ARNT2: variants seen among roughly 807,000 people sequenced by gnomAD.
ARNT2 encodes aryl hydrocarbon receptor nuclear translocator 2.
ARNT2 carries 36 observed loss-of-function variants against 91.7 expected under a neutral mutation model. The observed-to-expected ratio is 0.39, with a 90% CI of 0.30 to 0.52. The LOEUF is 0.52. ARNT2 is among the 20% of genes least tolerant of loss of function. The pLI is 0.72. For synonymous variants in ARNT2, 365 were observed against 347.1 expected, an observed-to-expected ratio of 1.05 and a Z score of -0.57; for missense variants, 775 against 939.3, an observed-to-expected ratio of 0.83 and a Z score of 2.29.
chr15:80,446,253 AGAG>A (rs1208568404), intron 1 of ARNT2, among the ~76,000 whole-genome samples: 1 of 152,194 alleles, frequency 6.6e-6, no homozygotes, highest in East Asian at 1.9e-4. Flanking sequence ...CGAAAGTAAC[AGAG>A]GAGAAGGAAC....
At position 80,528,281 on chromosome 15, in the gene ARNT2, C is replaced by G. The variant is rs976682874; in HGVS notation, c.877+13876C>G. ...AGAGTCTGAATGCTTAAGCATTACC[C>G]TTGCTGCCTCCTTCACTCTGCCAAT... is the stretch of plus-strand genomic sequence containing the variant. On this transcript the variant is annotated intron_variant, in intron 8 of 18. Transcript: ENST00000303329. Among the ~76,000 whole-genome samples the G allele has an allele frequency of 9.2e-5, 14 of 152,282 alleles. 2 individuals carry two copies. Among genetic ancestry groups the G allele is most frequent in the Admixed American group, 2.0e-4 (3 of 15,302 alleles).
intron 9 of ARNT2, among the ~76,000 whole-genome samples, chr15:80,552,287 A>T (rs908144788): frequency 3.3e-5 from 5 of 152,216 alleles, no homozygotes; most frequent in African/African-American, 1.2e-4. Flanking sequence ...AGTAAAGGGA[A>T]GGTGGGGGAA....
Position 80,404,551 on chromosome 15 carries a change from G to A in ARNT2, c.31+5G>A. On this transcript the variant is annotated splice_donor_5th_base_variant and intron_variant, in intron 1 of 18. Transcript: ENST00000303329. This position sits in a 1 kb window ranked among gnomAD's most constrained non-coding sequence, Gnocchi z 5.5. Reference sequence around the variant, plus strand: ...CGGCGGCGGTCAACCCTCCGGGTGAGTAGCGGCCTGGGCCCCGCCGCCCGC... The same window carrying A: ...CGGCGGCGGTCAACCCTCCGGGTGAATAGCGGCCTGGGCCCCGCCGCCCGC... The A allele has an allele frequency of 8.6e-7, 1 of 1,168,106 alleles. No individual in the cohort carries two copies. Among genetic ancestry groups the A allele is most frequent in the Non-Finnish European group, 1.1e-6 (1 of 932,228 alleles). The allele number at this position is 1,168,106 out of a possible 1,614,324, so 72.4% of individuals were successfully genotyped here. A position where few individuals can be genotyped will look rare whatever the true frequency, so the allele number is the denominator to read the frequency against.
intron 18 of ARNT2, among the ~76,000 whole-genome samples, chr15:80,592,451 T>G (rs1331150114): frequency 6.6e-6 from 1 of 152,246 alleles, no homozygotes; most frequent in African/African-American, 2.4e-5. Flanking sequence ...ACGTCCTGCA[T>G]GCCCCAGGCC....
At chr15:80,411,180 A>C (rs903764326) in intron 1 of ARNT2, among the ~76,000 whole-genome samples, 3 of 152,190 alleles carry the variant, frequency 2.0e-5, no homozygotes, top group African/African-American at 7.2e-5. Flanking sequence ...CCTATCATGC[A>C]TTCTTCCAGG....
rs1027729538 is a variant in ARNT2 at position 80,448,396 on chromosome 15, C to T, written c.32-2484C>T. On this transcript the variant is annotated intron_variant, in intron 1 of 18. Transcript: ENST00000303329. ...AAGAAAGATCACTTGTGGGCACCCA[C>T]GCAGGTCATCTAATCTCTCTTTGCC... Among the ~76,000 whole-genome samples, 80 of 152,230 alleles carry T rather than the reference C, an allele frequency of 5.3e-4. 1 individual carries two copies. The highest frequency in any genetic ancestry group is 2.4e-4 in the Non-Finnish European group (16 of 68,046).
At chr15:80,580,614 T>TCGG (rs1898777379) in intron 16 of ARNT2, 65 bp downstream of exon 16, 2 of 1,602,570 alleles carry the variant, frequency 1.2e-6, no homozygotes, top group Non-Finnish European at 1.7e-6. Flanking sequence ...TGGGAAGTGT[T>TCGG]TTCTTTGGAT....
intron 4 of ARNT2, among the ~76,000 whole-genome samples, chr15:80,472,794 G>T (rs1214267360): frequency 6.6e-6 from 1 of 152,190 alleles, no homozygotes; most frequent in Non-Finnish European, 1.5e-5. Context: ...GTATAATGAA[G>T]GGTAAATAGC....
intron 5 of ARNT2, among the ~76,000 whole-genome samples, chr15:80,495,245 C>T (rs1216217255): frequency 6.6e-6 from 1 of 152,186 alleles, no homozygotes; most frequent in Non-Finnish European, 1.5e-5. Context: ...AACAGTTTCC[C>T]TCTGTGGGTC....
chr15:80,537,665 G>A (rs1230014545), intron 8 of ARNT2, among the ~76,000 whole-genome samples: 1 of 152,112 alleles, frequency 6.6e-6, no homozygotes, highest in Non-Finnish European at 1.5e-5. Context: ...AGAGAAAAGG[G>A]CAAGAATAAA....
chr15:80,416,251 T>A (rs958135792), intron 1 of ARNT2, among the ~76,000 whole-genome samples: 12 of 152,088 alleles, frequency 7.9e-5, no homozygotes, highest in African/African-American at 2.4e-4. Flanking sequence ...TCCCCCAGAT[T>A]CCCCCATTGT....
At chr15:80,545,372 A>G (rs1188687026) in intron 8 of ARNT2, among the ~76,000 whole-genome samples, 1 of 152,228 alleles carries the variant, frequency 6.6e-6, no homozygotes, top group African/African-American at 2.4e-5. Flanking sequence ...TGTGCTGTTC[A>G]TGTGAGTCCT....
intron 1 of ARNT2, among the ~76,000 whole-genome samples, chr15:80,413,906 A>G (rs1446654422): frequency 6.6e-6 from 1 of 152,214 alleles, no homozygotes; most frequent in Non-Finnish European, 1.5e-5. Flanking sequence ...TGGACCACCC[A>G]ATTACCCTAA....
chr15:80,596,811 C>T lies in ARNT2; in HGVS notation c.*3113C>T, dbSNP rs566460890. 5 of 271,480 alleles carry T rather than the reference C, an allele frequency of 1.8e-5. No homozygotes were observed. The highest frequency in any genetic ancestry group is 7.9e-5 in the South Asian group (2 of 25,374). The allele number at this position is 271,480 out of a possible 1,614,324, so 16.8% of individuals were successfully genotyped here. A position where few individuals can be genotyped will look rare whatever the true frequency, so the allele number is the denominator to read the frequency against. ...AGGTCTGTACAGTGACAACCCGGGCCGGCAGCAAGGACACAGATGCAGCCA... is the reference window on the plus strand; with the variant it reads ...AGGTCTGTACAGTGACAACCCGGGCTGGCAGCAAGGACACAGATGCAGCCA... On this transcript the variant is annotated 3_prime_UTR_variant, in exon 19 of 19. Transcript: ENST00000303329.
intron 8 of ARNT2, among the ~76,000 whole-genome samples, chr15:80,514,987 C>G (rs926413104): frequency 2.0e-5 from 3 of 152,274 alleles, no homozygotes; most frequent in Non-Finnish European, 4.4e-5. Context: ...TCACCCAGAG[C>G]ATTCTATAAA....
chr15:80,458,726 G>T (rs1896513702), intron 3 of ARNT2, among the ~76,000 whole-genome samples: 1 of 151,886 alleles, frequency 6.6e-6, no homozygotes, highest in African/African-American at 2.4e-5. Context: ...TTGACAGGAA[G>T]GCACAAATCA....
intron 8 of ARNT2, among the ~76,000 whole-genome samples, chr15:80,534,719 G>C (rs1178660472): frequency 1.3e-5 from 2 of 152,130 alleles, no homozygotes; most frequent in Admixed American, 1.3e-4. Flanking sequence ...CATGAATCTT[G>C]TTTTCAGTCT....
rs149013260 is a variant in ARNT2, at chr15:80,549,864, G to A, written c.878-1335G>A. ...ACTTCTAGGGATCCACTCCGAAAAC[G>A]CACTTCTGATGATAATAAAACACAT... On this transcript the variant is annotated intron_variant, in intron 8 of 18. Coordinates refer to ENST00000303329, the MANE Select transcript of ARNT2 (RefSeq NM_014862.4). 1.6e-4 allele frequency among the ~76,000 whole-genome samples: 25 copies of A among 152,236 alleles called. 1 individual carries two copies. The highest frequency in any genetic ancestry group is 4.1e-4 in the African/African-American group (17 of 41,528).
intron 2 of ARNT2, among the ~76,000 whole-genome samples, 182 bp downstream of exon 2, chr15:80,451,176 G>A (rs1896383889): frequency 2.6e-5 from 4 of 152,208 alleles, no homozygotes; most frequent in Admixed American, 2.0e-4. Flanking sequence ...TTTGGGCCTC[G>A]GCACCCAGCT....
Sources: gnomAD v4.1 joint callset for allele counts (sites outside exome capture counted in the v4.1 genomes callset) on GRCh38, gnomAD v4.1.1 for gene constraint, Gnocchi (gnomAD v3.1) non-coding constraint, MANE v1.5 for transcripts, NCBI Gene and HGNC (gene_info 2026-07-23, HGNC 2026-07-21) for gene names.